Variants in PTPRD observed in about 807,000 individuals in gnomAD.
PTPRD encodes protein tyrosine phosphatase receptor type D, also known as receptor-type tyrosine-protein phosphatase delta.
In PTPRD, 34 loss-of-function variants were observed where a neutral mutation model predicts 214.5. The ratio of observed to expected loss-of-function variants is 0.16; its 90% confidence interval spans 0.12 to 0.21. The LOEUF (loss-of-function observed/expected upper bound fraction) is 0.21. PTPRD is among the 10% of genes least tolerant of loss of function. The pLI is 1.00. For synonymous variants in PTPRD, 1,128 were observed against 845.7 expected (o/e 1.33, Z -5.79); for missense variants, 2,545 against 2,398.7 (o/e 1.06, Z -1.27).
chr9:9,365,494 G>A (rs1423163647), intron 9 of PTPRD, among the ~76,000 whole-genome samples: 6 of 151,516 alleles, frequency 4.0e-5, no homozygotes, highest in African/African-American at 1.5e-4. Flanking sequence ...CTTTTCTGCT[G>A]AGGATGTTGG....
chr9:9,066,158 T>A (rs2154404474), intron 10 of PTPRD, among the ~76,000 whole-genome samples: 1 of 152,244 alleles, frequency 6.6e-6, no homozygotes, highest in Non-Finnish European at 1.5e-5. Context: ...GTACTAAAAT[T>A]TTGATATTAA....
intron 5 of PTPRD, among the ~76,000 whole-genome samples, chr9:9,813,645 A>G (rs1287101726): frequency 6.6e-6 from 1 of 152,076 alleles, no homozygotes; most frequent in African/African-American, 2.4e-5. Context: ...CCCAAAAAGA[A>G]AAGTCTGGGG....
chr9:9,324,035 C>A (rs184858082), intron 9 of PTPRD, among the ~76,000 whole-genome samples: 2 of 152,180 alleles, frequency 1.3e-5, no homozygotes, highest in African/African-American at 4.8e-5. Context: ...TTTTTTATGG[C>A]TGCATAGTAT....
chr9:9,921,965 G>C (rs1223838217), intron 5 of PTPRD, among the ~76,000 whole-genome samples: 1 of 152,018 alleles, frequency 6.6e-6, no homozygotes, highest in Non-Finnish European at 1.5e-5. Flanking sequence ...TCCAAGCAGT[G>C]TCGTTGTAAA....
intron 8 of PTPRD, among the ~76,000 whole-genome samples, chr9:9,549,585 G>T (rs576515447): frequency 6.6e-6 from 1 of 151,972 alleles, no homozygotes; most frequent in African/African-American, 2.4e-5. Context: ...TCCATGCCTC[G>T]TTATTTACCT....
rs182974695 is a variant in PTPRD, at chr9:10,217,383, T to C, written c.-545+123580A>G. On this transcript the variant is annotated intron_variant, in intron 3 of 45. Coordinates refer to ENST00000381196, the MANE Select transcript of PTPRD (RefSeq NM_002839.4). The stretch of plus-strand genomic sequence containing the variant: ...GAAACCCAACTCAGCCTCCCCCTCC[T>C]CCATATCTCAAAGCAAGTTAATGAG... 2.6e-3 allele frequency among the ~76,000 whole-genome samples: 392 copies of C among 151,774 alleles called. 1 individual carries two copies. Among genetic ancestry groups the C allele is most frequent in the African/African-American group, 9.2e-3 (380 of 41,420 alleles).
intron 9 of PTPRD, among the ~76,000 whole-genome samples, chr9:9,272,503 C>T (rs1943349339): frequency 6.6e-6 from 1 of 151,196 alleles, no homozygotes; most frequent in Non-Finnish European, 1.5e-5. Context: ...AGGGACTGAG[C>T]CAAACTTGGT....
chr9:9,328,501 G>T (rs1569567408), intron 9 of PTPRD, among the ~76,000 whole-genome samples: 1 of 151,448 alleles, frequency 6.6e-6, no homozygotes, highest in Admixed American at 6.6e-5. Context: ...CAACCTGGCT[G>T]GTAACTTTAA....
intron 39 of PTPRD, among the ~76,000 whole-genome samples, chr9:8,349,360 ATTTT>A (rs1166482652): frequency 6.6e-6 from 1 of 152,082 alleles, no homozygotes; most frequent in Non-Finnish European, 1.5e-5. Flanking sequence ...GCATATATTT[ATTTT>A]GTTTCCTTCT....
At chr9:10,359,144 G>A (rs1240019452) in intron 2 of PTPRD, among the ~76,000 whole-genome samples, 1 of 151,862 alleles carries the variant, frequency 6.6e-6, no homozygotes, top group African/African-American at 2.4e-5. Flanking sequence ...TTTATATCAT[G>A]AGATCTATTG....
At chr9:9,024,727 T>G (rs752360246) in intron 10 of PTPRD, among the ~76,000 whole-genome samples, 1 of 151,968 alleles carries the variant, frequency 6.6e-6, no homozygotes, top group Non-Finnish European at 1.5e-5. Context: ...GAAATGCTCC[T>G]TCATGTATTG....
chr9:8,771,415 A>G (rs1313927150), intron 11 of PTPRD, among the ~76,000 whole-genome samples: 2 of 152,194 alleles, frequency 1.3e-5, no homozygotes, highest in Non-Finnish European at 2.9e-5. Flanking sequence ...ATTCCTTAAT[A>G]TATCTAACAG....
intron 5 of PTPRD, among the ~76,000 whole-genome samples, chr9:9,821,038 T>G (rs2050529382): frequency 1.3e-5 from 2 of 152,208 alleles, no homozygotes; most frequent in South Asian, 4.1e-4. Flanking sequence ...TTGATAGGAA[T>G]AGCACTGAAT....
At chr9:9,187,752 G>T (rs1271565588) in intron 9 of PTPRD, among the ~76,000 whole-genome samples, 2 of 151,620 alleles carry the variant, frequency 1.3e-5, no homozygotes, top group African/African-American at 4.8e-5. Flanking sequence ...CAAATAAATT[G>T]TACCTCTCAT....
chr9:8,501,716 G>C (rs1000381362), intron 23 of PTPRD, among the ~76,000 whole-genome samples: 2 of 152,252 alleles, frequency 1.3e-5, no homozygotes, highest in Admixed American at 6.5e-5. Context: ...TATACAGTGA[G>C]CATGCAGAAT....
chr9:10,023,546 T>C (rs185911399), intron 4 of PTPRD, among the ~76,000 whole-genome samples: 1 of 152,322 alleles, frequency 6.6e-6, no homozygotes, highest in East Asian at 1.9e-4. Flanking sequence ...TTATATTCAC[T>C]TGTTTTTTTC....
chr9:10,417,620 AATAAAT>A (rs1388119944), intron 2 of PTPRD, among the ~76,000 whole-genome samples: 1 of 151,704 alleles, frequency 6.6e-6, no homozygotes, highest in Non-Finnish European at 1.5e-5. Flanking sequence ...AACATATATA[AATAAAT>A]ATAGATTCTG....
At chr9:8,772,668 T>A (rs1407948324) in intron 11 of PTPRD, among the ~76,000 whole-genome samples, 1 of 152,166 alleles carries the variant, frequency 6.6e-6, no homozygotes, top group Non-Finnish European at 1.5e-5. Context: ...AATAATTTTT[T>A]AAAAACTTGT....
chr9:9,097,402 C>T (rs1406000816), intron 10 of PTPRD, among the ~76,000 whole-genome samples: 2 of 143,466 alleles, frequency 1.4e-5, no homozygotes, highest in South Asian at 4.5e-4. Flanking sequence ...CACCATGGCT[C>T]TTTTTTTTTT....
Sources: allele counts gnomAD v4.1 joint callset (sites outside exome capture counted in the v4.1 genomes callset), GRCh38; gene constraint gnomAD v4.1.1; transcripts MANE v1.5; gene names NCBI Gene and HGNC (gene_info 2026-07-23, HGNC 2026-07-21).